Variants in PALM2AKAP2 observed in about 807,000 individuals in gnomAD.
The protein encoded by PALM2AKAP2 is PALM2 and AKAP2 fusion.
PALM2AKAP2 carries 37 observed loss-of-function variants against 71.5 expected under a neutral mutation model. The observed-to-expected ratio is 0.52, with a 90% confidence interval of 0.40 to 0.68. The LOEUF (loss-of-function observed/expected upper bound fraction) is 0.68. PALM2AKAP2 is among the 30% of genes least tolerant of loss of function. The pLI, the probability that PALM2AKAP2 is intolerant of heterozygous loss-of-function variation, is 0.00. For missense variants in PALM2AKAP2, 1,224 were observed against 1,191.8 expected (o/e 1.03, Z -0.40); for synonymous variants, 468 against 478.8 (o/e 0.98, Z 0.29).
chr9:110,073,492 T>A (rs1564290134), intron 1 of PALM2AKAP2, among the ~76,000 whole-genome samples: 1 of 152,198 alleles, frequency 6.6e-6, no homozygotes. Flanking sequence ...TTAGCCTAGC[T>A]TGTTGTTTTA....
At chr9:109,910,326 C>T (rs368901795) in intron 3 of PALM2AKAP2, among the ~76,000 whole-genome samples, 20 of 152,132 alleles carry the variant, frequency 1.3e-4, no homozygotes, top group African/African-American at 4.1e-4. Context: ...GTGGACCATC[C>T]GGGTGGAGAC....
Position 110,136,321 on chromosome 9 carries a change from T to C in PALM2AKAP2, c.351T>C (p.Ala117=), listed in dbSNP as rs1197881211. The change falls in exon 2 of 4, where the codon GCT becomes GCC. Residue 117 remains alanine (A), a synonymous_variant. Coordinates refer to ENST00000374525, the Ensembl canonical transcript of PALM2AKAP2. ...CACATCCCATGGACCATCCCTCCGC[T>C]TTCTATTCACCCCCGCATAATGGCC... 3.1e-6 allele frequency: 5 copies of C among 1,614,180 alleles called. No individual in the cohort carries two copies. The South Asian group carries it at 5.5e-5, about 18-fold the overall frequency.
At chr9:110,111,904 C>A (rs1048942650) in intron 1 of PALM2AKAP2, among the ~76,000 whole-genome samples, 3 of 152,160 alleles carry the variant, frequency 2.0e-5, no homozygotes, top group Non-Finnish European at 4.4e-5. Flanking sequence ...CCCACTCCCA[C>A]ACCCAGCCCC....
intron 1 of PALM2AKAP2, among the ~76,000 whole-genome samples, chr9:110,107,951 C>T (rs1451477867): frequency 1.3e-5 from 2 of 152,128 alleles, no homozygotes; most frequent in Non-Finnish European, 2.9e-5. Flanking sequence ...ATTTGTAATT[C>T]TGTGCTTGAG....
intron 1 of PALM2AKAP2, among the ~76,000 whole-genome samples, chr9:110,065,058 A>G (rs1449272999): frequency 6.6e-6 from 1 of 152,174 alleles, no homozygotes; most frequent in African/African-American, 2.4e-5. Context: ...CCCCATCAGT[A>G]AGCTTTGGTG....
chr9:110,043,718 T>TTG (rs1289008053), upstream of PALM2AKAP2, among the ~76,000 whole-genome samples: 3 of 117,038 alleles, frequency 2.6e-5, no homozygotes, highest in African/African-American at 1.0e-4. Context: ...TTTTTGGTGT[T>TTG]TTTTTTTTTT....
rs1201062567 is a variant in PALM2AKAP2 at position 110,135,884 on chromosome 9, T to C, written c.157-243T>C. ...AATGATGTAATCTCTTCCACCTTAG[T>C]AGATAAAATTTAAAAATGGCACTAG... On this transcript the variant is annotated intron_variant, in intron 1 of 3. Transcript: ENST00000374525. Among the ~76,000 whole-genome samples the C allele has an allele frequency of 1.4e-4, 21 of 152,182 alleles. 1 individual carries two copies. The highest frequency in any genetic ancestry group is 1.4e-3 in the Admixed American group (21 of 15,282).
intron 7 of PALM2AKAP2, among the ~76,000 whole-genome samples, chr9:110,034,707 C>T (rs894602894): frequency 1.3e-5 from 2 of 148,988 alleles, no homozygotes; most frequent in Non-Finnish European, 3.0e-5. Flanking sequence ...CAGGCTCAAG[C>T]GATTCTCCTG....
At chr9:109,763,648 A>G (rs1829097294) in intron 1 of PALM2AKAP2, among the ~76,000 whole-genome samples, 1 of 152,158 alleles carries the variant, frequency 6.6e-6, no homozygotes, top group African/African-American at 2.4e-5. Context: ...TGGGAGTGGG[A>G]AGTCTGAAAT....
At chr9:110,048,473 C>T (rs1588076785), upstream of PALM2AKAP2, 2 of 527,714 alleles carry the variant, frequency 3.8e-6, no homozygotes, top group Non-Finnish European at 3.3e-6. Flanking sequence ...GTCTTTCCCT[C>T]TCTCCAGTCT....
chr9:110,100,662 G>A (rs867078741), intron 1 of PALM2AKAP2, among the ~76,000 whole-genome samples: 1 of 152,134 alleles, frequency 6.6e-6, no homozygotes, highest in Non-Finnish European at 1.5e-5. Context: ...ATTATTCTCC[G>A]ACCCCTTGAA....
At chr9:110,115,012 G>C (rs1389154830) in intron 1 of PALM2AKAP2, among the ~76,000 whole-genome samples, 1 of 151,924 alleles carries the variant, frequency 6.6e-6, no homozygotes, top group Non-Finnish European at 1.5e-5. Flanking sequence ...ATCCCTGCTG[G>C]CTTATGCTTA....
At chr9:110,034,867 T>C (rs972888613) in intron 7 of PALM2AKAP2, among the ~76,000 whole-genome samples, 4 of 151,582 alleles carry the variant, frequency 2.6e-5, no homozygotes, top group African/African-American at 9.7e-5. Context: ...CCTCCCAAAG[T>C]GCTGGGATTA....
intron 1 of PALM2AKAP2, among the ~76,000 whole-genome samples, chr9:109,762,354 G>T (rs1829069013): frequency 6.6e-6 from 1 of 152,060 alleles, no homozygotes; most frequent in Non-Finnish European, 1.5e-5. Context: ...CTGGATTCTA[G>T]GTCTAAGTTT....
intron 7 of PALM2AKAP2, chr9:110,025,379 T>C (rs954513228): frequency 9.9e-6 from 9 of 906,896 alleles, no homozygotes; most frequent in East Asian, 9.6e-5. Context: ...TACTGGAAGA[T>C]GGAGGTTCCG....
chr9:110,077,127 A>G (rs1224197000), intron 1 of PALM2AKAP2, among the ~76,000 whole-genome samples: 3 of 152,192 alleles, frequency 2.0e-5, no homozygotes. Flanking sequence ...GAGCCTGACA[A>G]TCCTGGGTGT....
chr9:109,911,454 G>A (rs1830567432), intron 3 of PALM2AKAP2, among the ~76,000 whole-genome samples: 1 of 152,162 alleles, frequency 6.6e-6, no homozygotes, highest in African/African-American at 2.4e-5. Flanking sequence ...ATGGGCTGAA[G>A]CACACTTATG....
At chr9:109,746,921 G>T (rs1375543904) in intron 1 of PALM2AKAP2, among the ~76,000 whole-genome samples, 2 of 152,136 alleles carry the variant, frequency 1.3e-5, no homozygotes, top group Non-Finnish European at 2.9e-5. Flanking sequence ...AGGTGGAAGA[G>T]GGCAGTGCGT....
chr9:109,892,022 C>A (rs924312649), intron 3 of PALM2AKAP2, among the ~76,000 whole-genome samples: 3 of 152,186 alleles, frequency 2.0e-5, no homozygotes, highest in Non-Finnish European at 4.4e-5. Context: ...CTTAAGATTA[C>A]ATCTCTCAGA....
Sources: gnomAD v4.1 joint callset for allele counts (sites outside exome capture counted in the v4.1 genomes callset) on GRCh38, gnomAD v4.1.1 for gene constraint, MANE v1.5 for transcripts, NCBI Gene and HGNC (gene_info 2026-07-23, HGNC 2026-07-21) for gene names.